KPNA5: variants seen among roughly 807,000 people sequenced by gnomAD.
KPNA5 encodes karyopherin subunit alpha 5.
In KPNA5, 46 loss-of-function variants were observed where a neutral mutation model predicts 71.3. That is an observed-to-expected ratio of 0.65 (90% CI 0.51 to 0.83). The LOEUF is 0.83. Among genes scored for constraint, KPNA5 ranks in the 40% least tolerant of loss-of-function variants. The pLI, the probability that KPNA5 is intolerant of heterozygous loss-of-function variation, is 0.00. For synonymous variants in KPNA5, 207 were observed against 201.4 expected (o/e 1.03, Z -0.24); for missense variants, 547 against 628.3 (o/e 0.87, Z 1.38).
chr6:116,687,459 T>C (rs1340836323), intron 1 of KPNA5, among the ~76,000 whole-genome samples: 1 of 152,182 alleles, frequency 6.6e-6, no homozygotes, highest in Non-Finnish European at 1.5e-5. Flanking sequence ...TTCTGTGTCT[T>C]GATTGTGATA....
rs1269928638 is a variant in KPNA5, at chr6:116,732,403, G to GT, written c.*87dup. ...CTTTGTTGCCAATGTAAGAATGTTTGTTTTTTTACATAGAACAGTAAAGAG... is the reference window on the plus strand; with the variant it reads ...CTTTGTTGCCAATGTAAGAATGTTTGTTTTTTTTACATAGAACAGTAAAGAG... On this transcript the variant is annotated 3_prime_UTR_variant, in exon 14 of 14. Transcript: ENST00000368564. The GT allele has an allele frequency of 9.1e-6, 7 of 771,250 alleles. No individual in the cohort carries two copies. Among genetic ancestry groups the GT allele is most frequent in the South Asian group, 3.1e-5 (1 of 32,338 alleles). 47.8% of individuals were successfully genotyped at this position (771,250 alleles called of 1,614,324 possible).
At chr6:116,689,717 A>C (rs1777721014) in intron 2 of KPNA5, among the ~76,000 whole-genome samples, 1 of 152,174 alleles carries the variant, frequency 6.6e-6, no homozygotes, top group African/African-American at 2.4e-5. Flanking sequence ...TTCCTCTTGC[A>C]TCTATTTAGA....
At chr6:116,712,169 G>A (rs895158730) in intron 7 of KPNA5, among the ~76,000 whole-genome samples, 4 of 151,976 alleles carry the variant, frequency 2.6e-5, no homozygotes, top group Non-Finnish European at 2.9e-5. Context: ...TCGAACTTTT[G>A]GCCTCAGGCG....
intron 1 of KPNA5, among the ~76,000 whole-genome samples, chr6:116,686,097 G>T (rs1475464102): frequency 2.0e-5 from 3 of 151,960 alleles, no homozygotes; most frequent in Non-Finnish European, 4.4e-5. Context: ...TTGAGACAGG[G>T]TCTCATTGTG....
intron 1 of KPNA5, among the ~76,000 whole-genome samples, chr6:116,688,914 G>A (rs1047839307): frequency 2.0e-5 from 3 of 151,826 alleles, no homozygotes; most frequent in Non-Finnish European, 2.9e-5. Context: ...TTCAAAGCTG[G>A]TTATTTCTTG....
At chr6:116,705,050 G>A (rs1778385967) in intron 6 of KPNA5, 22 bp from the exon 7 acceptor site, 1 of 1,553,296 alleles carries the variant, frequency 6.4e-7, no homozygotes, top group African/African-American at 1.4e-5. Context: ...ATTGTCTTAA[G>A]ATAATTTTTT....
chr6:116,683,461 G>A (rs925295528), intron 1 of KPNA5, among the ~76,000 whole-genome samples: 9 of 152,140 alleles, frequency 5.9e-5, no homozygotes, highest in African/African-American at 2.2e-4. Flanking sequence ...AGTTTGCACT[G>A]TAATGAACTC....
At chr6:116,715,275 A>C (rs1172249518) in intron 7 of KPNA5, among the ~76,000 whole-genome samples, 1 of 152,100 alleles carries the variant, frequency 6.6e-6, no homozygotes, top group Non-Finnish European at 1.5e-5. Context: ...ATTTTGATGT[A>C]TGTGCTTTTT....
In KPNA5 at chr6:116,695,981, C is replaced by T. The variant is rs563447677; in HGVS notation, c.341-2723C>T. 8.6e-5 allele frequency among the ~76,000 whole-genome samples: 13 copies of T among 151,986 alleles called. No individual in the cohort carries two copies. In the South Asian group the frequency reaches 2.7e-3, roughly 32 times the overall value. Reference sequence around the variant, plus strand: ...GAGCATTGCTTGAAGAATTTTCTACCCCTTTCTTACCCCCATTCTAGGAAA... The same window carrying T: ...GAGCATTGCTTGAAGAATTTTCTACTCCTTTCTTACCCCCATTCTAGGAAA... On this transcript the variant is annotated intron_variant, in intron 4 of 13. Transcript: ENST00000368564.
intron 8 of KPNA5, among the ~76,000 whole-genome samples, chr6:116,721,228 TAA>T (rs1470342985): frequency 6.6e-6 from 1 of 152,202 alleles, no homozygotes; most frequent in East Asian, 1.9e-4. Flanking sequence ...AAAATAGGGG[TAA>T]AGAGAAAAGT....
In KPNA5 at chr6:116,712,513, GGTTTT is replaced by G. The variant is rs559016580; in HGVS notation, c.657-3691_657-3687del. On this transcript the variant is annotated intron_variant, in intron 7 of 13. Coordinates refer to ENST00000368564, the MANE Select transcript of KPNA5 (RefSeq NM_001366306.2). ...TTGTAGACAGCATCGTAGACTTATGGGTTTTGTTTTGTTTTGTTTAATATATTCTG... is the reference window on the plus strand; with the variant it reads ...TTGTAGACAGCATCGTAGACTTATGGGTTTTGTTTTGTTTAATATATTCTG... Among the ~76,000 whole-genome samples the G allele has an allele frequency of 1.8e-3, 269 of 152,164 alleles. 3 individuals carry two copies. Among genetic ancestry groups the G allele is most frequent in the African/African-American group, 3.7e-3 (153 of 41,524 alleles).
intron 4 of KPNA5, among the ~76,000 whole-genome samples, chr6:116,692,748 G>T (rs1490257662): frequency 6.6e-6 from 1 of 151,082 alleles, no homozygotes. Flanking sequence ...TTATTTTTTT[G>T]TTATACTTTA....
intron 7 of KPNA5, among the ~76,000 whole-genome samples, chr6:116,705,651 A>C (rs1778412491): frequency 6.6e-6 from 1 of 152,124 alleles, no homozygotes; most frequent in African/African-American, 2.4e-5. Context: ...TTACCCTATA[A>C]TGTAAGGTCC....
chr6:116,692,024 C>G (rs768262955), intron 2 of KPNA5, 31 bp from the exon 3 acceptor site: 6 of 1,377,090 alleles, frequency 4.4e-6, no homozygotes, highest in Non-Finnish European at 4.1e-6. Flanking sequence ...ATGGAAAGCT[C>G]AATGTGTAAA....
intron 8 of KPNA5, among the ~76,000 whole-genome samples, chr6:116,719,638 G>A (rs933559596): frequency 6.6e-6 from 1 of 152,022 alleles, no homozygotes; most frequent in Non-Finnish European, 1.5e-5. Context: ...TTTGAGCCCA[G>A]GGGTTCGAGG....
At chr6:116,729,410 G>A (rs1261161717) in intron 12 of KPNA5, among the ~76,000 whole-genome samples, 153 bp from the exon 13 acceptor site, 1 of 151,956 alleles carries the variant, frequency 6.6e-6, no homozygotes, top group Non-Finnish European at 1.5e-5. Flanking sequence ...ATTTAAATGT[G>A]TGTAATGTTT....
intron 7 of KPNA5, among the ~76,000 whole-genome samples, chr6:116,715,534 A>C (rs1179958551): frequency 6.6e-6 from 1 of 152,184 alleles, no homozygotes; most frequent in African/African-American, 2.4e-5. Context: ...AAAACACAAC[A>C]AAAGAACTTC....
intron 12 of KPNA5, among the ~76,000 whole-genome samples, chr6:116,727,911 T>C (rs772369561): frequency 5.3e-5 from 8 of 152,126 alleles, no homozygotes; most frequent in Non-Finnish European, 1.0e-4. Flanking sequence ...TTAGAAAATA[T>C]TTTCTAATGC....
intron 4 of KPNA5, among the ~76,000 whole-genome samples, chr6:116,698,214 T>C (rs1210301013): frequency 6.6e-6 from 1 of 151,970 alleles, no homozygotes; most frequent in Non-Finnish European, 1.5e-5. Flanking sequence ...TTCATGAAAA[T>C]TTATCAGTAA....
Sources: allele counts gnomAD v4.1 joint callset (sites outside exome capture counted in the v4.1 genomes callset), GRCh38; gene constraint gnomAD v4.1.1; transcripts MANE v1.5; gene names NCBI Gene and HGNC (gene_info 2026-07-23, HGNC 2026-07-21).